Variants in AMZ1 observed in about 807,000 individuals in gnomAD.
AMZ1 encodes archaelysin family metallopeptidase 1.
In AMZ1, 39 loss-of-function variants were observed where a neutral mutation model predicts 29.9. The ratio of observed to expected loss-of-function variants is 1.30; its 90% confidence interval spans 1.01 to 1.70. The LOEUF is 1.70. Among genes scored for constraint, AMZ1 ranks in the 40% most tolerant of loss-of-function variants. The pLI, the probability that AMZ1 is intolerant of heterozygous loss-of-function variation, is 0.00. For synonymous variants in AMZ1, 458 were observed against 304.0 expected (o/e 1.51, Z -5.27); for missense variants, 1,041 against 680.6 (o/e 1.53, Z -5.89).
At position 2,700,713 on chromosome 7, in the gene AMZ1, A is replaced by G; in HGVS notation, c.262A>G (p.Lys88Glu). The change falls in exon 2 of 7, where the codon AAG (lysine) becomes GAG (glutamate). Residue 88 changes from lysine to glutamate, a missense_variant. Physicochemically the swap from Lys to Glu is moderately conservative, Grantham distance 56. Transcript: ENST00000683327. ...QTFHASLQHR[K>E]PRLARKHIYL... ...CTTCCACGCCTCCCTGCAGCACCGG[A>G]AGCCCCGCCTGGCTCGGAAGCACAT... 6.2e-7 allele frequency: 1 copy of G among 1,613,194 alleles called. No individual in the cohort carries two copies. Among genetic ancestry groups the G allele is most frequent in the Non-Finnish European group, 8.5e-7 (1 of 1,180,012 alleles).
At chr7:2,722,657 T>C (rs1789471415), downstream of AMZ1, among the ~76,000 whole-genome samples, 1 of 152,124 alleles carries the variant, frequency 6.6e-6, no homozygotes, top group Non-Finnish European at 1.5e-5. Flanking sequence ...GCAACAGAGA[T>C]TTTAAATTTT....
Position 2,700,221 on chromosome 7 carries a change from G to C in AMZ1, c.-218-13G>C. 1 of 578,942 alleles carries C rather than the reference G, an allele frequency of 1.7e-6. No homozygotes were observed. Among genetic ancestry groups the C allele is most frequent in the Non-Finnish European group, 3.1e-6 (1 of 326,660 alleles). The allele number at this position is 578,942 out of a possible 1,614,324, so 35.9% of individuals were successfully genotyped here. On this transcript the variant is annotated splice_polypyrimidine_tract_variant and intron_variant, in intron 1 of 6. Coordinates refer to ENST00000683327, the MANE Select transcript of AMZ1 (RefSeq NM_001384743.1). ...CTCGGCAGTGAGGGGACCCCTGTTC[G>C]TGTCATCCACAGGGTGCTGTGGGCC... is the stretch of plus-strand genomic sequence containing the variant.
At chr7:2,728,028 AT>A (rs1789697245) in intron 4 of AMZ1, 1 of 151,328 alleles carries the variant, frequency 6.6e-6, no homozygotes, top group Non-Finnish European at 1.5e-5. Context: ...AAAAAAAAAA[AT>A]TAGGATGAGA....
At chr7:2,686,731 T>C (rs1787092640), upstream of AMZ1, among the ~76,000 whole-genome samples, 1 of 151,986 alleles carries the variant, frequency 6.6e-6, no homozygotes, top group Admixed American at 6.6e-5. Flanking sequence ...TCTTTTTTTT[T>C]TGAAACAAAG....
chr7:2,742,517 C>T (rs1790560276), intron 4 of AMZ1, among the ~76,000 whole-genome samples: 1 of 152,178 alleles, frequency 6.6e-6, no homozygotes, highest in Non-Finnish European at 1.5e-5. Flanking sequence ...CTCACAGACG[C>T]TGTCATTTTC....
chr7:2,756,489 C>T (rs1791301581), intron 4 of AMZ1, among the ~76,000 whole-genome samples: 3 of 152,064 alleles, frequency 2.0e-5, no homozygotes, highest in Non-Finnish European at 4.4e-5. Context: ...GTGGCACACG[C>T]CTATAGTCCC....
chr7:2,706,678 A>G (rs1788371922), intron 3 of AMZ1, among the ~76,000 whole-genome samples: 1 of 151,816 alleles, frequency 6.6e-6, no homozygotes, highest in South Asian at 2.1e-4. Context: ...CTCTTCTAAG[A>G]CTCCAGTCAC....
chr7:2,711,734 T>G (rs1386940927), intron 6 of AMZ1, among the ~76,000 whole-genome samples: 1 of 152,166 alleles, frequency 6.6e-6, no homozygotes, highest in African/African-American at 2.4e-5. Flanking sequence ...CTTTAAAATT[T>G]TAAATTTTAT....
At chr7:2,746,757 C>A (rs567079990) in intron 4 of AMZ1, among the ~76,000 whole-genome samples, 1 of 151,344 alleles carries the variant, frequency 6.6e-6, no homozygotes, top group Non-Finnish European at 1.5e-5. Flanking sequence ...ATCAACAAAA[C>A]TGATAGACCG....
Position 2,712,796 on chromosome 7 carries a change from C to G in AMZ1, c.1415C>G (p.Ser472Cys). ...GLRKVLGDKF[S>C]SLRRKLSARK... Reference sequence around the variant, plus strand: ...CGCAAGGTGCTGGGGGACAAGTTCTCCTCCCTGAGGAGGAAGCTGAGTGCC... The same window carrying G: ...CGCAAGGTGCTGGGGGACAAGTTCTGCTCCCTGAGGAGGAAGCTGAGTGCC... Residue 472 changes from serine (S) to cysteine (C), a missense_variant, in exon 7 of 7, where the codon TCC (serine) becomes TGC (cysteine). Transcript: ENST00000683327. 1 of 1,560,454 alleles carries G rather than the reference C, an allele frequency of 6.4e-7. No homozygotes were observed. Among genetic ancestry groups the G allele is most frequent in the Non-Finnish European group, 8.7e-7 (1 of 1,151,202 alleles).
At chr7:2,741,036 C>T (rs1790473300) in intron 4 of AMZ1, among the ~76,000 whole-genome samples, 1 of 149,888 alleles carries the variant, frequency 6.7e-6, no homozygotes, top group East Asian at 1.9e-4. Flanking sequence ...CAGAGCGAGA[C>T]TCCGTCTCAA....
chr7:2,689,904 C>A (rs1787286821), intron 1 of AMZ1, among the ~76,000 whole-genome samples: 2 of 152,148 alleles, frequency 1.3e-5, no homozygotes, highest in Admixed American at 1.3e-4. Flanking sequence ...ACCCCCAGGG[C>A]TCACATGCAG....
chr7:2,719,358 G>A lies in AMZ1; in HGVS notation c.*6480G>A, dbSNP rs187529152. On this transcript the variant is annotated 3_prime_UTR_variant, in exon 7 of 7. Transcript: ENST00000683327. ...CCAAGCAGGAGCAATGCCTAAAGAG[G>A]GCAAAGGCCCGCGCGCCTGGCAGAG... 2.0e-5 allele frequency among the ~76,000 whole-genome samples: 3 copies of A among 152,328 alleles called. No homozygotes were observed. Among genetic ancestry groups the A allele is most frequent in the East Asian group, 3.9e-4 (2 of 5,172 alleles).
intron 4 of AMZ1, among the ~76,000 whole-genome samples, chr7:2,744,561 G>C (rs1386509597): frequency 1.3e-5 from 2 of 152,186 alleles, no homozygotes; most frequent in Non-Finnish European, 2.9e-5. Flanking sequence ...AGACCACAAA[G>C]ATGGGGAAAA....
In AMZ1 at chr7:2,731,516, C is replaced by T; in HGVS notation, n.550+21700C>T. On this transcript the variant is annotated intron_variant and non_coding_transcript_variant, in intron 4 of 4. Coordinates refer to the AMZ1 transcript ENST00000489665. The surrounding 1 kb of genome is among the most constrained non-coding windows in gnomAD (Gnocchi z 6.0). ...GTCTCGAAGATGTTCATGGACTCCA[C>T]CAGCCGGTTGGTGCGCCTGTCCTCC... is the stretch of plus-strand genomic sequence containing the variant. The T allele has an allele frequency of 6.2e-7, 1 of 1,612,802 alleles. No individual in the cohort carries two copies. Among genetic ancestry groups the T allele is most frequent in the Non-Finnish European group, 8.5e-7 (1 of 1,179,184 alleles).
intron 4 of AMZ1, among the ~76,000 whole-genome samples, chr7:2,756,605 T>A (rs1791309057): frequency 6.6e-6 from 1 of 151,298 alleles, no homozygotes; most frequent in African/African-American, 2.4e-5. Flanking sequence ...AGACCCTGTC[T>A]CAAACAAACA....
At chr7:2,720,216 C>T (rs1461984761), downstream of AMZ1, among the ~76,000 whole-genome samples, 1 of 152,182 alleles carries the variant, frequency 6.6e-6, no homozygotes, top group African/African-American at 2.4e-5. Flanking sequence ...CATCTACCCA[C>T]GCGGACGCCC....
chr7:2,737,263 AGTTTTGTTTTG>A (rs1562394736), intron 4 of AMZ1, among the ~76,000 whole-genome samples: 13 of 79,576 alleles, frequency 1.6e-4, no homozygotes, highest in South Asian at 4.3e-4. Context: ...GCTATCTCAC[AGTTTTGTTTTG>A]TTTTTTTTTT....
At chr7:2,690,071 G>A (rs1333330414) in intron 1 of AMZ1, among the ~76,000 whole-genome samples, 2 of 152,192 alleles carry the variant, frequency 1.3e-5, no homozygotes. Flanking sequence ...TATGTGGGCA[G>A]ACGTCATGCC....
Sources: allele counts gnomAD v4.1 joint callset (sites outside exome capture counted in the v4.1 genomes callset), GRCh38; gene constraint gnomAD v4.1.1; non-coding constraint Gnocchi (gnomAD v3.1); transcripts MANE v1.5; gene names NCBI Gene and HGNC (gene_info 2026-07-23, HGNC 2026-07-21).